The following TRAT1 variants were observed in gnomAD, a reference collection of about 807,000 sequenced individuals.
TRAT1 encodes the protein T cell receptor associated transmembrane adaptor 1.
Under a neutral mutation model 20.0 loss-of-function variants are expected in TRAT1, and 20 were observed. The observed-to-expected ratio is 1.00, with a 90% confidence interval of 0.70 to 1.45. The LOEUF (loss-of-function observed/expected upper bound fraction) is 1.45. Among genes scored for constraint, TRAT1 ranks in the 40% most tolerant of loss-of-function variants. TRAT1 has a pLI of 0.00. For synonymous variants in TRAT1, 77 were observed against 74.2 expected (o/e 1.04, Z -0.20); for missense variants, 237 against 224.1 (o/e 1.06, Z -0.37).
chr3:108,827,001 A>C (rs1479366867), intron 1 of TRAT1, among the ~76,000 whole-genome samples: 1 of 152,120 alleles, frequency 6.6e-6, no homozygotes, highest in Non-Finnish European at 1.5e-5. Context: ...GCTTTAAGGG[A>C]GTCAGAGGTT....
At chr3:108,848,025 A>G (rs1559825082) in intron 4 of TRAT1, among the ~76,000 whole-genome samples, 1 of 152,028 alleles carries the variant, frequency 6.6e-6, no homozygotes, top group Non-Finnish European at 1.5e-5. Flanking sequence ...AGGAATCAAA[A>G]ATTATTTTTT....
At position 108,847,099 on chromosome 3, in the gene TRAT1, A is replaced by G. The variant is rs1481258383; in HGVS notation, c.184A>G (p.Ile62Val). 1.3e-6 allele frequency: 2 copies of G among 1,545,060 alleles called. No homozygotes were observed. The highest frequency in any genetic ancestry group is 1.7e-4 in the Middle Eastern group (1 of 5,902). The change falls in exon 4 of 6, where the codon ATT (isoleucine) becomes GTT (valine). Residue 62 changes from isoleucine (I) to valine (V), a missense_variant. By Grantham distance (29) the Ile-to-Val change is conservative (BLOSUM62 3). Transcript: ENST00000295756. ...TGAGTATTATATTGAAGACACACCA[A>G]TTTATGGTAACTTAGATGATATGAT... ...VDEYYIEDTP[I>V]YGNLDDMISE...
At chr3:108,839,036 T>C in intron 3 of TRAT1, 69 bp downstream of exon 3, 1 of 1,228,028 alleles carries the variant, frequency 8.1e-7, no homozygotes, top group Non-Finnish European at 1.2e-6. Context: ...CTATATTGTT[T>C]AAAGATTTGG....
Position 108,823,010 on chromosome 3 carries a change from A to T in TRAT1, c.7+76A>T, listed in dbSNP as rs1945706424. Reference sequence around the variant, plus strand: ...TTAATTTCTAAGTCCTAACGAGAAGACCCTTAGTATTTAGAAAGTAGTTAT... The same window carrying T: ...TTAATTTCTAAGTCCTAACGAGAAGTCCCTTAGTATTTAGAAAGTAGTTAT... On this transcript the variant is annotated intron_variant, in intron 1 of 5. Transcript: ENST00000295756. 2.4e-6 allele frequency: 3 copies of T among 1,259,168 alleles called. No homozygotes were observed. In the South Asian group the frequency reaches 3.8e-5, roughly 16 times the overall value. The allele number at this position is 1,259,168 out of a possible 1,614,324, so 78.0% of individuals were successfully genotyped here.
At chr3:108,830,909 T>C (rs1945786666) in intron 2 of TRAT1, 129 bp downstream of exon 2, 2 of 642,856 alleles carry the variant, frequency 3.1e-6, no homozygotes, top group Non-Finnish European at 5.5e-6. Flanking sequence ...ATAGAAAATC[T>C]ATTTGCTAAT....
intron 2 of TRAT1, among the ~76,000 whole-genome samples, chr3:108,836,208 G>T (rs763712811): frequency 1.5e-4 from 23 of 152,208 alleles, no homozygotes; most frequent in African/African-American, 5.3e-4. Context: ...ATGAGCCACC[G>T]TGCCCGGCCA....
At chr3:108,844,594 C>T (rs1945923175) in intron 3 of TRAT1, among the ~76,000 whole-genome samples, 1 of 151,366 alleles carries the variant, frequency 6.6e-6, no homozygotes. Flanking sequence ...CCTATAATCC[C>T]AGCACTTTGG....
intron 3 of TRAT1, among the ~76,000 whole-genome samples, chr3:108,839,517 A>G (rs1023439031): frequency 1.3e-5 from 2 of 152,016 alleles, no homozygotes; most frequent in African/African-American, 2.4e-5. Context: ...GTGGTGGCAC[A>G]TGCCTGTAGT....
rs1946028333 is a variant in TRAT1 at position 108,854,629 on chromosome 3, C to T, written c.*752C>T. On this transcript the variant is annotated 3_prime_UTR_variant, in exon 6 of 6. Coordinates refer to ENST00000295756, the MANE Select transcript of TRAT1 (RefSeq NM_016388.4). Reference sequence around the variant, plus strand: ...AACCAAAAATGTGGTTTCTTTTGTACACATTACTTAAACTTTCTTTCCAGT... The same window carrying T: ...AACCAAAAATGTGGTTTCTTTTGTATACATTACTTAAACTTTCTTTCCAGT... The T allele has an allele frequency of 6.6e-6, 1 of 152,034 alleles. No individual in the cohort carries two copies. Among genetic ancestry groups the T allele is most frequent in the Non-Finnish European group, 1.5e-5 (1 of 67,972 alleles). The allele number at this position is 152,034 out of a possible 1,614,324, so 9.4% of individuals were successfully genotyped here. A position where few individuals can be genotyped will look rare whatever the true frequency, so the allele number is the denominator to read the frequency against.
chr3:108,853,269 G>A (rs1946013296), intron 5 of TRAT1, among the ~76,000 whole-genome samples: 1 of 152,070 alleles, frequency 6.6e-6, no homozygotes, highest in Admixed American at 6.6e-5. Flanking sequence ...TTAATAAACT[G>A]GAGTATCGTT....
chr3:108,845,882 T>G (rs1945937797), intron 3 of TRAT1, among the ~76,000 whole-genome samples: 1 of 152,156 alleles, frequency 6.6e-6, no homozygotes, highest in African/African-American at 2.4e-5. Context: ...AGGATGACAT[T>G]GGTAGAATGA....
rs751724320 is a variant in TRAT1 at position 108,838,987 on chromosome 3, T to C, written c.152+20T>C. The C allele has an allele frequency of 3.2e-6, 5 of 1,583,008 alleles. No homozygotes were observed. The highest frequency in any genetic ancestry group is 1.3e-5 in the African/African-American group (1 of 74,586). On this transcript the variant is annotated intron_variant, in intron 3 of 5. Coordinates refer to ENST00000295756, the MANE Select transcript of TRAT1 (RefSeq NM_016388.4). ...CACCAGGTATGTTGTGATTCAGTCA[T>C]GGATCATGATTCCCAACTAATAAGC...
At chr3:108,847,504 C>T (rs1480641880) in intron 4 of TRAT1, 3 of 180,368 alleles carry the variant, frequency 1.7e-5, no homozygotes, top group Non-Finnish European at 2.3e-5. Flanking sequence ...AGCAAATGTA[C>T]AGTGAATAGC....
In TRAT1 at chr3:108,837,941, A is replaced by G. The variant is rs568565674; in HGVS notation, c.119-993A>G. 7.3e-4 allele frequency among the ~76,000 whole-genome samples: 111 copies of G among 152,280 alleles called. 1 individual carries two copies. Among genetic ancestry groups the G allele is most frequent in the African/African-American group, 1.8e-3 (76 of 41,566 alleles). On this transcript the variant is annotated intron_variant, in intron 2 of 5. Coordinates refer to ENST00000295756, the MANE Select transcript of TRAT1 (RefSeq NM_016388.4). ...ATTCTTAAAACTACATTTGTTAAAT[A>G]GCTTTTGAATTCTTATATTTGACCT...
chr3:108,830,636 G>A, intron 1 of TRAT1, 34 bp from the exon 2 acceptor site: 1 of 1,412,018 alleles, frequency 7.1e-7, no homozygotes. Flanking sequence ...GTAAGCAGCT[G>A]TTATATTATG....
At chr3:108,828,283 G>A (rs1324454716) in intron 1 of TRAT1, among the ~76,000 whole-genome samples, 2 of 152,028 alleles carry the variant, frequency 1.3e-5, no homozygotes, top group Non-Finnish European at 2.9e-5. Flanking sequence ...TGTTCCCGAG[G>A]CTCATGAGTG....
intron 3 of TRAT1, among the ~76,000 whole-genome samples, chr3:108,841,089 C>A (rs932650691): frequency 2.0e-5 from 3 of 152,196 alleles, no homozygotes; most frequent in Non-Finnish European, 4.4e-5. Flanking sequence ...GCATTTCCAG[C>A]ACATTCTACA....
Position 108,849,214 on chromosome 3 carries a change from A to G in TRAT1, c.263A>G (p.Lys88Arg). 2 of 1,614,148 alleles carry G rather than the reference A, an allele frequency of 1.2e-6. No homozygotes were observed. The highest frequency in any genetic ancestry group is 1.7e-6 in the Non-Finnish European group (2 of 1,180,012). ...CYEQMKARPEKSVNKMQEATP... is the reference protein window; with the variant it reads ...CYEQMKARPERSVNKMQEATP... ...GAACAAATGAAAGCCCGACCAGAGA[A>G]ATCTGTAAATAAGATGCAGGAAGCC... is the stretch of plus-strand genomic sequence containing the variant. Residue 88 changes from lysine (K) to arginine (R), a missense_variant, in exon 5 of 6, where the codon AAA becomes AGA. By Grantham distance (26) the Lys-to-Arg change is conservative. Coordinates refer to ENST00000295756, the MANE Select transcript of TRAT1 (RefSeq NM_016388.4).
At chr3:108,841,175 A>C (rs76159141) in intron 3 of TRAT1, among the ~76,000 whole-genome samples, 157 of 152,382 alleles carry the variant, frequency 1.0e-3, no homozygotes, top group African/African-American at 3.6e-3. Flanking sequence ...GTCCTGCAAC[A>C]ACAAAGATAC....
Sources: gnomAD v4.1 joint callset for allele counts (sites outside exome capture counted in the v4.1 genomes callset) on GRCh38, gnomAD v4.1.1 for gene constraint, MANE v1.5 for transcripts, NCBI Gene and HGNC (gene_info 2026-07-23, HGNC 2026-07-21) for gene names.